The following COMMD10 variants were observed in gnomAD, a reference collection of about 807,000 sequenced individuals.
The protein encoded by COMMD10 is COMM domain-containing protein 10.
COMMD10 carries 33 observed loss-of-function variants against 28.9 expected under a neutral mutation model. The ratio of observed to expected loss-of-function variants is 1.14; its 90% confidence interval spans 0.87 to 1.53. The LOEUF (loss-of-function observed/expected upper bound fraction) is 1.53. COMMD10 is among the 40% of genes most tolerant of loss of function. COMMD10 has a pLI of 0.00. For missense variants in COMMD10, 310 were observed against 233.4 expected (o/e 1.33, Z -2.14); for synonymous variants, 110 against 81.7 (o/e 1.35, Z -1.87).
intron 5 of COMMD10, among the ~76,000 whole-genome samples, chr5:116,152,938 G>A (rs1752582975): frequency 6.6e-6 from 1 of 152,026 alleles, no homozygotes; most frequent in Non-Finnish European, 1.5e-5. Flanking sequence ...GTAGCTTTGT[G>A]AGTGGGTATT....
At chr5:116,208,163 A>G (rs576769422) in intron 5 of COMMD10, among the ~76,000 whole-genome samples, 1 of 152,128 alleles carries the variant, frequency 6.6e-6, no homozygotes, top group Non-Finnish European at 1.5e-5. Context: ...TAAACAATGC[A>G]TGTAAAACAT....
intron 5 of COMMD10, among the ~76,000 whole-genome samples, chr5:116,227,719 G>T (rs1252295495): frequency 6.6e-6 from 1 of 151,896 alleles, no homozygotes; most frequent in Non-Finnish European, 1.5e-5. Context: ...TGGTGATGCC[G>T]AGCATTCACA....
chr5:116,232,795 C>CT (rs1170326301), intron 5 of COMMD10, among the ~76,000 whole-genome samples: 6 of 152,230 alleles, frequency 3.9e-5, no homozygotes, highest in African/African-American at 1.4e-4. Context: ...TTACAGAGTG[C>CT]TTACATTTGT....
At chr5:116,171,724 A>G (rs574620801) in intron 5 of COMMD10, among the ~76,000 whole-genome samples, 1 of 152,192 alleles carries the variant, frequency 6.6e-6, no homozygotes, top group South Asian at 2.1e-4. Flanking sequence ...AAAGTAACAC[A>G]GGAACAGAAA....
intron 5 of COMMD10, among the ~76,000 whole-genome samples, chr5:116,162,415 G>A (rs1752947756): frequency 6.6e-6 from 1 of 152,074 alleles, no homozygotes. Flanking sequence ...TTTATAGATA[G>A]CTTTGTGAGT....
intron 5 of COMMD10, among the ~76,000 whole-genome samples, chr5:116,180,248 G>A (rs1357204898): frequency 6.6e-6 from 1 of 151,930 alleles, no homozygotes; most frequent in African/African-American, 2.4e-5. Flanking sequence ...CGTACATTCA[G>A]GTTTATAGAA....
chr5:116,203,926 A>T (rs1748742668), intron 5 of COMMD10, among the ~76,000 whole-genome samples: 1 of 152,214 alleles, frequency 6.6e-6, no homozygotes. Context: ...AAATGCTCCA[A>T]TTAAAAGACA....
At chr5:116,236,059 T>C (rs1424298558) in intron 5 of COMMD10, among the ~76,000 whole-genome samples, 1 of 152,098 alleles carries the variant, frequency 6.6e-6, no homozygotes, top group East Asian at 1.9e-4. Context: ...CATCATATAG[T>C]TTGTTAGAAA....
chr5:116,088,791 G>T (rs1003995465), intron 2 of COMMD10, among the ~76,000 whole-genome samples: 1 of 152,100 alleles, frequency 6.6e-6, no homozygotes, highest in Admixed American at 6.5e-5. Flanking sequence ...TGTGCTCCTA[G>T]TTCATTCTCA....
intron 4 of COMMD10, among the ~76,000 whole-genome samples, chr5:116,130,010 C>CT (rs564061867): frequency 6.6e-6 from 1 of 151,106 alleles, no homozygotes; most frequent in Non-Finnish European, 1.5e-5. Context: ...ATTTTATTTA[C>CT]TTTTTTTATT....
At chr5:116,181,784 G>T (rs2112597236) in intron 5 of COMMD10, among the ~76,000 whole-genome samples, 1 of 152,084 alleles carries the variant, frequency 6.6e-6, no homozygotes, top group East Asian at 1.9e-4. Flanking sequence ...ACATGATCTT[G>T]CTTATCACAG....
chr5:116,098,733 T>C (rs1750548557), intron 4 of COMMD10, among the ~76,000 whole-genome samples: 1 of 152,290 alleles, frequency 6.6e-6, no homozygotes, highest in South Asian at 2.1e-4. Context: ...GATTCTGAAT[T>C]CAAAGAGGGT....
At chr5:116,190,981 T>C (rs564017691) in intron 5 of COMMD10, among the ~76,000 whole-genome samples, 31 of 152,334 alleles carry the variant, frequency 2.0e-4, no homozygotes, top group African/African-American at 7.5e-4. Flanking sequence ...TAAGCACTTT[T>C]CTACATTTTA....
rs190238602 is a variant in COMMD10, at chr5:116,126,072, C to G, written c.400-7996C>G. Among the ~76,000 whole-genome samples the G allele has an allele frequency of 3.2e-3, 480 of 152,330 alleles. 4 individuals carry two copies. The highest frequency in any genetic ancestry group is 0.011 in the African/African-American group (458 of 41,582). ...ATCTCCTTAAGCTGATAAGCAACTT[C>G]AGCAAAGTCTTAGGATACAAAATCA... is the stretch of plus-strand genomic sequence containing the variant. On this transcript the variant is annotated intron_variant, in intron 4 of 6. Transcript: ENST00000274458.
At chr5:116,189,379 AGTGGTG>A (rs1223896028) in intron 5 of COMMD10, among the ~76,000 whole-genome samples, 6 of 152,182 alleles carry the variant, frequency 3.9e-5, no homozygotes, top group Admixed American at 3.9e-4. Context: ...TGGTACCAGC[AGTGGTG>A]GTGGTGCCAC....
intron 5 of COMMD10, among the ~76,000 whole-genome samples, chr5:116,250,422 G>C (rs570806814): frequency 6.6e-6 from 1 of 151,364 alleles, no homozygotes; most frequent in Non-Finnish European, 1.5e-5. Context: ...TGGGTTTACA[G>C]AGACAAGATT....
rs149425749 is a variant in COMMD10, at chr5:116,242,049, C to A, written c.511-49468C>A. On this transcript the variant is annotated intron_variant, in intron 5 of 6. Transcript: ENST00000274458. ...CCTATGTCACCTGGAGTCATAGGAC[C>A]CTGAGTTATCTCCTAAGGTAACTCT... Among the ~76,000 whole-genome samples, 870 of 152,128 alleles carry A rather than the reference C, an allele frequency of 5.7e-3. 11 individuals are homozygous for A. Among genetic ancestry groups the A allele is most frequent in the African/African-American group, 0.02 (829 of 41,510 alleles).
chr5:116,210,533 A>G (rs1469505247), intron 5 of COMMD10, among the ~76,000 whole-genome samples: 1 of 152,102 alleles, frequency 6.6e-6, no homozygotes, highest in Non-Finnish European at 1.5e-5. Flanking sequence ...CAATAAGGGT[A>G]TATTTGTTGA....
At chr5:116,258,685 A>G (rs1305253740) in intron 5 of COMMD10, among the ~76,000 whole-genome samples, 2 of 151,688 alleles carry the variant, frequency 1.3e-5, no homozygotes, top group South Asian at 4.1e-4. Flanking sequence ...TAATTTTTGT[A>G]CCACTGTAGA....
Sources: allele counts gnomAD v4.1 joint callset (sites outside exome capture counted in the v4.1 genomes callset), GRCh38; gene constraint gnomAD v4.1.1; transcripts MANE v1.5; gene names NCBI Gene and HGNC (gene_info 2026-07-23, HGNC 2026-07-21).